Variants in SLC5A1 observed in about 807,000 individuals in gnomAD.
SLC5A1 encodes the protein solute carrier family 5 member 1, also known as sodium/glucose cotransporter 1.
A neutral mutation model predicts 73.5 loss-of-function variants in SLC5A1; 42 were observed. The observed-to-expected ratio is 0.57, with a 90% CI of 0.45 to 0.74. The LOEUF is 0.74. Ranked by LOEUF, SLC5A1 falls within the 30% of genes least tolerant of loss-of-function variation. SLC5A1 has a pLI of 0.00. For synonymous variants in SLC5A1, 300 were observed against 317.4 expected, an observed-to-expected ratio of 0.95 and a Z score of 0.58; for missense variants, 634 against 855.4, an observed-to-expected ratio of 0.74 and a Z score of 3.23.
chr22:32,093,311 G>A (rs1376927048), intron 11 of SLC5A1, among the ~76,000 whole-genome samples: 1 of 148,100 alleles, frequency 6.8e-6, no homozygotes, highest in Non-Finnish European at 1.5e-5. Context: ...CCATATGAAT[G>A]TGAGTATTGT....
chr22:32,049,231 A>C (rs9606898), intron 1 of SLC5A1, among the ~76,000 whole-genome samples: 4,633 of 119,502 alleles, frequency 0.039, 138 homozygotes, highest in Non-Finnish European at 0.061. Flanking sequence ...ATATCTATAT[A>C]TATGATGATT....
Position 32,084,948 on chromosome 22 carries a change from G to T in SLC5A1, c.934G>T (p.Gly312Cys), listed in dbSNP as rs142230209. The change falls in exon 9 of 15, where the codon GGT becomes TGT. Residue 312 changes from glycine to cysteine, a missense_variant. By Grantham distance (159) the Gly-to-Cys change is radical. Coordinates refer to ENST00000266088, the MANE Select transcript of SLC5A1 (RefSeq NM_000343.4). ...LSAKNMSHVK[G>C]GCILCGYLKL... ...AGCCAAGAATATGTCTCACGTGAAG[G>T]GTGGCTGCATCCTGTGTGGGTATCT... The T allele has an allele frequency of 2.5e-6, 4 of 1,614,164 alleles. No homozygotes were observed. The highest frequency in any genetic ancestry group is 3.4e-6 in the Non-Finnish European group (4 of 1,180,034).
At chr22:32,092,045 A>C (rs1238280386) in intron 11 of SLC5A1, among the ~76,000 whole-genome samples, 1 of 152,156 alleles carries the variant, frequency 6.6e-6, no homozygotes, top group African/African-American at 2.4e-5. Flanking sequence ...TACACCCATC[A>C]CTTGAGCATT....
intron 10 of SLC5A1, among the ~76,000 whole-genome samples, chr22:32,089,504 C>G (rs574422410): frequency 1.3e-5 from 2 of 152,268 alleles, no homozygotes; most frequent in South Asian, 2.1e-4. Context: ...ACATTTGGGT[C>G]TCCTAAATGC....
At chr22:32,071,637 CT>C (rs2093983016) in intron 5 of SLC5A1, among the ~76,000 whole-genome samples, 1 of 152,042 alleles carries the variant, frequency 6.6e-6, no homozygotes, top group Non-Finnish European at 1.5e-5. Flanking sequence ...GCTCATTGCT[CT>C]ATCAAAATGG....
intron 5 of SLC5A1, among the ~76,000 whole-genome samples, chr22:32,073,592 C>T (rs965628347): frequency 2.6e-5 from 4 of 152,018 alleles, no homozygotes; most frequent in Non-Finnish European, 4.4e-5. Context: ...GTTTCACTCT[C>T]GTTGCCCAGG....
intron 11 of SLC5A1, among the ~76,000 whole-genome samples, chr22:32,098,270 T>A (rs972124581): frequency 6.6e-6 from 1 of 152,244 alleles, no homozygotes; most frequent in African/African-American, 2.4e-5. Flanking sequence ...CTGCTGTAGA[T>A]CTTAGTTTGT....
At chr22:32,099,112 A>ATATATG (rs2094031890) in intron 11 of SLC5A1, 71 bp from the exon 12 acceptor site, 1 of 143,438 alleles carries the variant, frequency 7.0e-6, no homozygotes, top group East Asian at 1.7e-4. Context: ...AAAAATATAT[A>ATATATG]TATATATATA....
chr22:32,090,790 A>G (rs766771750), intron 10 of SLC5A1, among the ~76,000 whole-genome samples: 1 of 151,816 alleles, frequency 6.6e-6, no homozygotes, highest in African/African-American at 2.4e-5. Context: ...ATGTTTAACC[A>G]TCTGAAAAAC....
intron 5 of SLC5A1, among the ~76,000 whole-genome samples, chr22:32,070,826 T>A (rs75645372): frequency 6.6e-6 from 1 of 151,938 alleles, no homozygotes; most frequent in Non-Finnish European, 1.5e-5. Context: ...TTAGTGTGCA[T>A]TTTTTTTGTC....
chr22:32,060,766 C>CG (rs1362989220), intron 2 of SLC5A1, among the ~76,000 whole-genome samples: 1 of 151,838 alleles, frequency 6.6e-6, no homozygotes, highest in Non-Finnish European at 1.5e-5. Context: ...GACGGGGTCT[C>CG]GCTATGTTAC....
intron 11 of SLC5A1, among the ~76,000 whole-genome samples, chr22:32,095,184 A>G (rs2094024275): frequency 6.6e-6 from 1 of 152,134 alleles, no homozygotes; most frequent in Non-Finnish European, 1.5e-5. Flanking sequence ...TTCCAGTTTT[A>G]TTCCACTGTG....
chr22:32,051,880 T>A (rs1174038641), intron 2 of SLC5A1, among the ~76,000 whole-genome samples: 2 of 152,220 alleles, frequency 1.3e-5, no homozygotes, highest in Non-Finnish European at 2.9e-5. Context: ...AATGAATGGA[T>A]GTGGCTGACT....
chr22:32,106,431 C>T (rs1244468350), intron 14 of SLC5A1, among the ~76,000 whole-genome samples: 2 of 152,174 alleles, frequency 1.3e-5, no homozygotes, highest in East Asian at 3.8e-4. Context: ...TATTTGACAG[C>T]ACTCAGTGAG....
intron 1 of SLC5A1, among the ~76,000 whole-genome samples, chr22:32,049,267 AGAGAG>A (rs2093942057): frequency 6.8e-6 from 1 of 147,484 alleles, no homozygotes; most frequent in African/African-American, 2.5e-5. Flanking sequence ...CTACACCCTC[AGAGAG>A]GAAAGACTTG....
At chr22:32,074,114 C>T (rs542959036) in intron 5 of SLC5A1, among the ~76,000 whole-genome samples, 21 of 152,224 alleles carry the variant, frequency 1.4e-4, no homozygotes, top group African/African-American at 5.1e-4. Context: ...GCTGGGCCTC[C>T]CCTTCTCCCA....
At chr22:32,089,027 A>G (rs2094012657) in intron 10 of SLC5A1, among the ~76,000 whole-genome samples, 1 of 152,238 alleles carries the variant, frequency 6.6e-6, no homozygotes, top group African/African-American at 2.4e-5. Context: ...TGTGTTCAGC[A>G]AATATTTGTT....
chr22:32,087,322 G>T (rs1394459164), intron 10 of SLC5A1, among the ~76,000 whole-genome samples: 2 of 152,116 alleles, frequency 1.3e-5, no homozygotes, highest in African/African-American at 4.8e-5. Flanking sequence ...CTAATGTATA[G>T]ATATTTCAAG....
chr22:32,091,317 A>G, intron 10 of SLC5A1, among the ~76,000 whole-genome samples: 1 of 138,186 alleles, frequency 7.2e-6, no homozygotes, highest in East Asian at 1.9e-4. Flanking sequence ...ACACACACAC[A>G]CACACACACA....
Sources: allele counts gnomAD v4.1 joint callset (sites outside exome capture counted in the v4.1 genomes callset), GRCh38; gene constraint gnomAD v4.1.1; transcripts MANE v1.5; gene names NCBI Gene and HGNC (gene_info 2026-07-23, HGNC 2026-07-21).